The following RGS16 variants were observed in gnomAD, a reference collection of about 807,000 sequenced individuals.
The protein encoded by RGS16 is hRGS-r.
RGS16 carries 12 observed loss-of-function variants against 18.1 expected under a neutral mutation model. That is an observed-to-expected ratio of 0.66 (90% CI 0.42 to 1.07). The LOEUF (loss-of-function observed/expected upper bound fraction) is 1.07. Among genes scored for constraint, RGS16 ranks in the 50% least tolerant of loss-of-function variants. The probability of loss-of-function intolerance (pLI) is 0.00; values close to 1 mark genes in which losing one functional copy is unlikely to be tolerated. For synonymous variants in RGS16, 88 were observed against 102.0 expected (o/e 0.86, Z 0.83); for missense variants, 238 against 249.2 (o/e 0.95, Z 0.30).
rs771954411 is a variant in RGS16, at chr1:182,602,068, C to T, written c.285G>A (p.Trp95Ter). Residue 95 changes from tryptophan (W) to a stop codon, truncating the protein, a stop_gained, in exon 4 of 5, where the codon TGG becomes TGA. Transcript: ENST00000367558. LOFTEE classifies it high-confidence loss of function. ...TCTTCTTGAACTCCTCACAGGCCAG[C>T]CAGAACTCCAGGTTCTCCTCACTGA... ...TEFSEENLEFWLACEEFKKIR... is the reference protein window; with the variant it reads ...TEFSEENLEF 1 of 1,614,170 alleles carries T rather than the reference C, an allele frequency of 6.2e-7. No individual in the cohort carries two copies. Among genetic ancestry groups the T allele is most frequent in the South Asian group, 1.1e-5 (1 of 91,082 alleles).
chr1:182,602,070 A>G lies in RGS16; in HGVS notation c.283T>C (p.Trp95Arg). 1 of 1,614,188 alleles carries G rather than the reference A, an allele frequency of 6.2e-7. No homozygotes were observed. The highest frequency in any genetic ancestry group is 8.5e-7 in the Non-Finnish European group (1 of 1,180,022). ...TEFSEENLEFWLACEEFKKIR... is the reference protein window; with the variant it reads ...TEFSEENLEFRLACEEFKKIR... ...TTCTTGAACTCCTCACAGGCCAGCCAGAACTCCAGGTTCTCCTCACTGAAC... is the reference window on the plus strand; with the variant it reads ...TTCTTGAACTCCTCACAGGCCAGCCGGAACTCCAGGTTCTCCTCACTGAAC... Residue 95 changes from tryptophan (W) to arginine (R), a missense_variant, in exon 4 of 5, where the codon TGG becomes CGG. Coordinates refer to ENST00000367558, the MANE Select transcript of RGS16 (RefSeq NM_002928.4).
intron 2 of RGS16, 40 bp from the exon 3 acceptor site, chr1:182,602,524 T>A: frequency 6.6e-7 from 1 of 1,524,006 alleles, no homozygotes. Flanking sequence ...AGAAAAAAAA[T>A]CAACAAACCA....
Position 182,603,159 on chromosome 1 carries a change from A to G in RGS16, c.155+70T>C. 3.6e-6 allele frequency: 4 copies of G among 1,121,808 alleles called. No individual in the cohort carries two copies. The South Asian group carries it at 3.7e-5, about 10-fold the overall frequency. The allele number at this position is 1,121,808 out of a possible 1,614,324, so 69.5% of individuals were successfully genotyped here. Reference sequence around the variant, plus strand: ...TTAGCGTGTCCTGGCTTCTCCCTGTATTTCCCTCCTCATGACTCCCTTCCC... The same window carrying G: ...TTAGCGTGTCCTGGCTTCTCCCTGTGTTTCCCTCCTCATGACTCCCTTCCC... On this transcript the variant is annotated intron_variant, in intron 2 of 4. Transcript: ENST00000367558.
chr1:182,600,742 C>T (rs1296951544), intron 4 of RGS16, among the ~76,000 whole-genome samples: 1 of 152,202 alleles, frequency 6.6e-6, no homozygotes, highest in Non-Finnish European at 1.5e-5. Flanking sequence ...AGAATGTATA[C>T]AAACGCAATC....
intron 3 of RGS16, 142 bp from the exon 4 acceptor site, chr1:182,602,274 T>C (rs1557866189): frequency 3.6e-6 from 4 of 1,115,538 alleles, no homozygotes; most frequent in Non-Finnish European, 5.3e-6. Flanking sequence ...ATATGTTGAA[T>C]AGAGGCTGGC....
chr1:182,599,574 C>T lies in RGS16; in HGVS notation c.*718G>A, dbSNP rs1661825093. The T allele has an allele frequency of 6.5e-6, 1 of 152,746 alleles. No individual in the cohort carries two copies. The highest frequency in any genetic ancestry group is 1.5e-5 in the Non-Finnish European group (1 of 68,130). The allele number at this position is 152,746 out of a possible 1,614,324, so 9.5% of individuals were successfully genotyped here. On this transcript the variant is annotated 3_prime_UTR_variant, in exon 5 of 5. Transcript: ENST00000367558. ...CACCTGCAGGGGGCCACCCAGAGCA[C>T]TGAGCTGGATTCAAGTGAGCCTCCT... is the stretch of plus-strand genomic sequence containing the variant.
rs1165773039 is a variant in RGS16 at position 182,598,665 on chromosome 1, C to A, written c.*1627G>T. On this transcript the variant is annotated 3_prime_UTR_variant, in exon 5 of 5. Transcript: ENST00000367558. ...TTTTATTTTATAAGAATATAACATG[C>A]TGAAACAGGAAAATGGGGATTGCAA... is the stretch of plus-strand genomic sequence containing the variant. 2 of 152,600 alleles carry A rather than the reference C, an allele frequency of 1.3e-5. No homozygotes were observed. Among genetic ancestry groups the A allele is most frequent in the Non-Finnish European group, 2.9e-5 (2 of 68,040 alleles). The allele number at this position is 152,600 out of a possible 1,614,324, so 9.5% of individuals were successfully genotyped here. A position where few individuals can be genotyped will look rare whatever the true frequency, so the allele number is the denominator to read the frequency against.
chr1:182,602,498 A>G lies in RGS16; in HGVS notation c.156-14T>C, dbSNP rs773704261. The G allele has an allele frequency of 1.1e-5, 18 of 1,607,750 alleles. No individual in the cohort carries two copies. In the Admixed American group the frequency reaches 3.0e-4, roughly 27 times the overall value. Reference sequence around the variant, plus strand: ...GAGAAGTTTCTACTAAAAGACAAAAAGAAAAAAAAAGAGTAAGAAAAAAAA... The same window carrying G: ...GAGAAGTTTCTACTAAAAGACAAAAGGAAAAAAAAAGAGTAAGAAAAAAAA... On this transcript the variant is annotated splice_polypyrimidine_tract_variant and intron_variant, in intron 2 of 4. Transcript: ENST00000367558.
rs746867656 is a variant in RGS16, at chr1:182,602,110, A to G, written c.243T>C (p.Ala81=). ...SSKNGVAAFH[A]FLKTEFSEEN... is the part of the protein sequence containing the mutation. ...CCTCACTGAACTCTGTCTTCAGGAA[A>G]GCGTGGAAGGCAGCCACTCCATCTG... Residue 81 remains alanine, a synonymous_variant, in exon 4 of 5, where the codon GCT becomes GCC. Transcript: ENST00000367558. The G allele has an allele frequency of 1.9e-6, 3 of 1,614,194 alleles. No individual in the cohort carries two copies. Among genetic ancestry groups the G allele is most frequent in the East Asian group, 2.2e-5 (1 of 44,886 alleles).
At position 182,602,517 on chromosome 1, in the gene RGS16, A is replaced by G. The variant is rs116056418; in HGVS notation, c.156-33T>C. The G allele has an allele frequency of 4.5e-5, 70 of 1,569,352 alleles. No individual in the cohort carries two copies. The African/African-American group carries it at 9.5e-4, about 21-fold the overall frequency. ...ACAAAAAGAAAAAAAAAGAGTAAGAAAAAAAATCAACAAACCAAAGCATAG... is the reference window on the plus strand; with the variant it reads ...ACAAAAAGAAAAAAAAAGAGTAAGAGAAAAAATCAACAAACCAAAGCATAG... On this transcript the variant is annotated intron_variant, in intron 2 of 4. Transcript: ENST00000367558.
chr1:182,604,294 AT>A lies in RGS16; in HGVS notation c.-36del. ...CGCAGGGCAGCACGTAGTAGGCAGG[AT>A]GGTGGCAGGCTCCAGGAGGCTCCGC... is the stretch of plus-strand genomic sequence containing the variant. On this transcript the variant is annotated 5_prime_UTR_variant, in exon 1 of 5. Transcript: ENST00000367558. The A allele has an allele frequency of 6.5e-7, 1 of 1,541,762 alleles. No individual in the cohort carries two copies. Among genetic ancestry groups the A allele is most frequent in the South Asian group, 1.2e-5 (1 of 83,252 alleles).
At chr1:182,601,481 A>T (rs944436194) in intron 4 of RGS16, among the ~76,000 whole-genome samples, 1 of 152,230 alleles carries the variant, frequency 6.6e-6, no homozygotes, top group Non-Finnish European at 1.5e-5. Context: ...AAGGTACAAA[A>T]GTAAGGCATT....
Position 182,599,978 on chromosome 1 carries a change from G to A in RGS16, c.*314C>T, listed in dbSNP as rs534890021. 15 of 391,754 alleles carry A rather than the reference G, an allele frequency of 3.8e-5. No individual in the cohort carries two copies. Among genetic ancestry groups the A allele is most frequent in the East Asian group, 3.4e-4 (7 of 20,832 alleles). The allele number at this position is 391,754 out of a possible 1,614,324, so 24.3% of individuals were successfully genotyped here. A position where few individuals can be genotyped will look rare whatever the true frequency, so the allele number is the denominator to read the frequency against. ...ACCACACTAGAACACTTCCTTCTCC[G>A]GTGAGAACGAGAGCCAGTGCTAACC... On this transcript the variant is annotated 3_prime_UTR_variant, in exon 5 of 5. Coordinates refer to ENST00000367558, the MANE Select transcript of RGS16 (RefSeq NM_002928.4).
chr1:182,602,554 G>T, intron 2 of RGS16, 70 bp from the exon 3 acceptor site: 1 of 1,264,242 alleles, frequency 7.9e-7, no homozygotes. Flanking sequence ...ACAAATTCTA[G>T]CCAGAACTCT....
chr1:182,602,631 T>G, intron 2 of RGS16, 147 bp from the exon 3 acceptor site: 1 of 697,176 alleles, frequency 1.4e-6, no homozygotes, highest in Non-Finnish European at 2.4e-6. Context: ...CACCTCAAAC[T>G]CTTAGTTGGA....
In RGS16 at chr1:182,600,369, G is replaced by A. The variant is rs149776657; in HGVS notation, c.532C>T (p.Arg178Trp). ...GCTGAGGCTTGGGCAGCCAGGTCCC[G>A]GTAAGCAGGCGACTTCAGGAAGCGT... ...YPRFLKSPAY[R>W]DLAAQASAAS... The change falls in exon 5 of 5, where the codon CGG (arginine) becomes TGG (tryptophan). Residue 178 changes from arginine (R) to tryptophan (W), a missense_variant. By Grantham distance (101) the Arg-to-Trp change is moderately radical. Transcript: ENST00000367558. The A allele has an allele frequency of 4.6e-5, 75 of 1,613,788 alleles. No homozygotes were observed. Among genetic ancestry groups the A allele is most frequent in the Non-Finnish European group, 5.6e-5 (66 of 1,179,982 alleles).
chr1:182,603,319 C>A lies in RGS16; in HGVS notation c.65G>T (p.Arg22Leu), dbSNP rs753151197. 1.9e-6 allele frequency: 3 copies of A among 1,614,082 alleles called. No individual in the cohort carries two copies. The highest frequency in any genetic ancestry group is 1.7e-5 in the Admixed American group (1 of 60,020). Residue 22 changes from arginine (R) to leucine (L), a missense_variant, in exon 2 of 5, where the codon CGT becomes CTT. Transcript: ENST00000367558. ...TGATTTGTGAAGAAAGATCCCCAGACGTGTCTTGAACTCTTTGGCTCTGAA... is the reference window on the plus strand; with the variant it reads ...TGATTTGTGAAGAAAGATCCCCAGAAGTGTCTTGAACTCTTTGGCTCTGAA... The part of the protein sequence containing the change: ...CLERAKEFKT[R>L]LGIFLHKSEL...
At chr1:182,602,254 A>G in intron 3 of RGS16, 122 bp from the exon 4 acceptor site, 3 of 1,207,654 alleles carry the variant, frequency 2.5e-6, no homozygotes, top group Non-Finnish European at 3.6e-6. Flanking sequence ...TTGAACAATG[A>G]CCTGCCTTTA....
intron 4 of RGS16, 173 bp downstream of exon 4, chr1:182,601,793 G>A: frequency 1.4e-6 from 1 of 732,158 alleles, no homozygotes; most frequent in Non-Finnish European, 2.3e-6. Flanking sequence ...GCACCCAGGA[G>A]TGGCACTGGG....
Sources: gnomAD v4.1 joint callset for allele counts (sites outside exome capture counted in the v4.1 genomes callset) on GRCh38, gnomAD v4.1.1 for gene constraint, MANE v1.5 for transcripts, NCBI Gene and HGNC (gene_info 2026-07-23, HGNC 2026-07-21) for gene names.